DTNA: variants seen among roughly 807,000 people sequenced by gnomAD.
DTNA encodes the protein dystrobrevin alpha.
Under a neutral mutation model 100.7 loss-of-function variants are expected in DTNA, and 43 were observed. The ratio of observed to expected loss-of-function variants is 0.43; its 90% CI spans 0.33 to 0.55. DTNA has a LOEUF of 0.55. Ranked by LOEUF, DTNA falls within the 20% of genes least tolerant of loss-of-function variation. The pLI is 0.04. For synonymous variants in DTNA, 349 were observed against 347.9 expected (o/e 1.00, Z -0.04); for missense variants, 798 against 953.9 (o/e 0.84, Z 2.15).
intron 1 of DTNA, among the ~76,000 whole-genome samples, chr18:34,663,648 G>A (rs1187813192): frequency 1.3e-5 from 2 of 151,922 alleles, no homozygotes; most frequent in African/African-American, 4.8e-5. Flanking sequence ...TTTCAGCAGG[G>A]GTATTTGGCA....
chr18:34,829,703 C>A (rs918615980), intron 11 of DTNA, among the ~76,000 whole-genome samples: 1 of 152,164 alleles, frequency 6.6e-6, no homozygotes, highest in Non-Finnish European at 1.5e-5. Context: ...GATTTCATAG[C>A]CTCATACCGG....
intron 15 of DTNA, among the ~76,000 whole-genome samples, chr18:34,856,157 G>T (rs2096550302): frequency 6.6e-6 from 1 of 152,198 alleles, no homozygotes; most frequent in Non-Finnish European, 1.5e-5. Context: ...GAGTTCTTTT[G>T]TGGGTTCTAG....
chr18:34,649,642 T>C (rs2143772891), intron 1 of DTNA, among the ~76,000 whole-genome samples: 1 of 152,290 alleles, frequency 6.6e-6, no homozygotes, highest in South Asian at 2.1e-4. Context: ...AGAAAAAACT[T>C]TTGGTTGTTT....
chr18:34,622,526 T>C (rs2056690055), intron 1 of DTNA, among the ~76,000 whole-genome samples: 1 of 152,160 alleles, frequency 6.6e-6, no homozygotes, highest in African/African-American at 2.4e-5. Flanking sequence ...TGTGAAGGTG[T>C]TTCCGGAGAA....
At chr18:34,677,094 G>A (rs1371806899) in intron 1 of DTNA, among the ~76,000 whole-genome samples, 3 of 152,156 alleles carry the variant, frequency 2.0e-5, no homozygotes, top group Non-Finnish European at 4.4e-5. Context: ...TCTGCCTCCA[G>A]ATTAGACAAC....
intron 8 of DTNA, among the ~76,000 whole-genome samples, chr18:34,818,839 T>C (rs1042749860): frequency 6.6e-6 from 1 of 151,964 alleles, no homozygotes; most frequent in Non-Finnish European, 1.5e-5. Context: ...GGAGGGGAGA[T>C]TGTGGTTATA....
chr18:34,551,939 T>C (rs2045470441), intron 1 of DTNA, among the ~76,000 whole-genome samples: 1 of 152,100 alleles, frequency 6.6e-6, no homozygotes, highest in Non-Finnish European at 1.5e-5. Flanking sequence ...TGGCCTTATA[T>C]TTCCTTGAAT....
At chr18:34,506,446 G>A (rs2040502169) in intron 1 of DTNA, among the ~76,000 whole-genome samples, 1 of 152,208 alleles carries the variant, frequency 6.6e-6, no homozygotes, top group Admixed American at 6.5e-5. Flanking sequence ...AAGTTGGGGT[G>A]TCTTGTTACA....
At chr18:34,755,808 G>A (rs1308535794) in intron 1 of DTNA, among the ~76,000 whole-genome samples, 168 bp from the exon 2 acceptor site, 3 of 152,144 alleles carry the variant, frequency 2.0e-5, no homozygotes, top group Non-Finnish European at 4.4e-5. Flanking sequence ...AAAAATATGC[G>A]CAGCAATTTA....
At chr18:34,583,601 A>C (rs1273208674) in intron 1 of DTNA, among the ~76,000 whole-genome samples, 1 of 150,506 alleles carries the variant, frequency 6.6e-6, no homozygotes, top group Non-Finnish European at 1.5e-5. Flanking sequence ...TTTTTTTTTA[A>C]TGGAAATGGA....
At chr18:34,514,038 A>G (rs2041348666) in intron 1 of DTNA, 1 of 152,114 alleles carries the variant, frequency 6.6e-6, no homozygotes, top group African/African-American at 2.4e-5. Context: ...TCTCATTTAA[A>G]TTGTGCACAG....
chr18:34,648,558 G>A (rs576624477), intron 1 of DTNA, among the ~76,000 whole-genome samples: 1 of 152,314 alleles, frequency 6.6e-6, no homozygotes, highest in Non-Finnish European at 1.5e-5. Flanking sequence ...AAAGTCCTCT[G>A]GCTCTGTTTG....
chr18:34,557,433 G>A (rs2046188984), intron 1 of DTNA, among the ~76,000 whole-genome samples: 1 of 152,056 alleles, frequency 6.6e-6, no homozygotes, highest in Non-Finnish European at 1.5e-5. Context: ...CTTTGGAGGA[G>A]GAGAGGCGCT....
intron 1 of DTNA, among the ~76,000 whole-genome samples, chr18:34,630,083 T>G (rs1366998199): frequency 6.6e-6 from 1 of 152,222 alleles, no homozygotes; most frequent in Non-Finnish European, 1.5e-5. Flanking sequence ...GTGTCCACCT[T>G]CACTTCTCTC....
Position 34,851,943 on chromosome 18 carries a change from A to G in DTNA, c.1532+15A>G. 1 of 1,612,824 alleles carries G rather than the reference A, an allele frequency of 6.2e-7. No homozygotes were observed. The highest frequency in any genetic ancestry group is 2.2e-5 in the East Asian group (1 of 44,858). The stretch of plus-strand genomic sequence containing the variant: ...AACAAGAACAGGTGAGACTTTGTAG[A>G]CGTGCTGGCTTGTTTGATCAATGTG... On this transcript the variant is annotated intron_variant, in intron 15 of 22. Transcript: ENST00000444659.
At chr18:34,887,539 A>G (rs1438133660) in intron 22 of DTNA, among the ~76,000 whole-genome samples, 1 of 152,154 alleles carries the variant, frequency 6.6e-6, no homozygotes, top group Non-Finnish European at 1.5e-5. Flanking sequence ...TAAGAAAGAG[A>G]TCCACATGGA....
At chr18:34,594,461 A>G (rs969586567) in intron 1 of DTNA, among the ~76,000 whole-genome samples, 2 of 152,190 alleles carry the variant, frequency 1.3e-5, no homozygotes, top group African/African-American at 4.8e-5. Flanking sequence ...TGGAAATTCT[A>G]CTTTATATGG....
In DTNA at chr18:34,678,192, G is replaced by A. The variant is rs190590924; in HGVS notation, c.-1-77784G>A. On this transcript the variant is annotated intron_variant, in intron 1 of 19. Transcript: ENST00000283365. ...TTATGAGAACTACAAGTCAAGGCGG[G>A]GACACAGCAAACCCGTATCATAAAT... Among the ~76,000 whole-genome samples, 15 of 152,044 alleles carry A rather than the reference G, an allele frequency of 9.9e-5. No homozygotes were observed. The East Asian group carries it at 2.9e-3, about 29-fold the overall frequency.
chr18:34,733,096 C>T (rs1004895461), intron 1 of DTNA, among the ~76,000 whole-genome samples: 1 of 152,194 alleles, frequency 6.6e-6, no homozygotes. Flanking sequence ...CTTCCCTTTC[C>T]CCAGTGCACA....
Sources: allele counts gnomAD v4.1 joint callset (sites outside exome capture counted in the v4.1 genomes callset), GRCh38; gene constraint gnomAD v4.1.1; transcripts MANE v1.5; gene names NCBI Gene and HGNC (gene_info 2026-07-23, HGNC 2026-07-21).